The following PDE10A variants were observed in gnomAD, a reference collection of about 807,000 sequenced individuals.
PDE10A encodes the protein cAMP and cAMP-inhibited cGMP 3',5'-cyclic phosphodiesterase 10A.
PDE10A carries 39 observed loss-of-function variants against 97.7 expected under a neutral mutation model. The ratio of observed to expected loss-of-function variants is 0.40; its 90% CI spans 0.31 to 0.52. PDE10A has a LOEUF of 0.52. PDE10A is among the 20% of genes least tolerant of loss of function. The pLI, the probability that PDE10A is intolerant of heterozygous loss-of-function variation, is 0.56. For missense variants in PDE10A, 731 were observed against 1,047.8 expected, an observed-to-expected ratio of 0.70 and a Z score of 4.17; for synonymous variants, 371 against 376.8, an observed-to-expected ratio of 0.98 and a Z score of 0.18.
intron 1 of PDE10A, among the ~76,000 whole-genome samples, chr6:165,555,588 T>C (rs1379138133): frequency 1.3e-5 from 2 of 152,224 alleles, no homozygotes; most frequent in Non-Finnish European, 1.5e-5. Context: ...TTTAGATACA[T>C]TGATAATAAA....
chr6:165,442,390 G>A (rs1484446168), intron 5 of PDE10A, among the ~76,000 whole-genome samples: 1 of 151,976 alleles, frequency 6.6e-6, no homozygotes. Flanking sequence ...GAGAACATGC[G>A]GTGTTTGGTT....
intron 1 of PDE10A, among the ~76,000 whole-genome samples, chr6:165,713,012 G>A (rs574551526): frequency 3.3e-5 from 5 of 152,310 alleles, no homozygotes; most frequent in Non-Finnish European, 7.3e-5. Flanking sequence ...TTTCTAGTGA[G>A]GCAAGGATGG....
At chr6:165,872,904 T>TA (rs1170524644) in intron 1 of PDE10A, among the ~76,000 whole-genome samples, 3 of 152,220 alleles carry the variant, frequency 2.0e-5, no homozygotes, top group African/African-American at 7.2e-5. Flanking sequence ...CTGGACTCTG[T>TA]GGCATTGAAT....
At position 165,413,561 on chromosome 6, in the gene PDE10A, T is replaced by G; in HGVS notation, c.2016A>C (p.Thr672=). 6.2e-7 allele frequency: 1 copy of G among 1,614,216 alleles called. No homozygotes were observed. The change falls in exon 13 of 22, where the codon ACA becomes ACC. Residue 672 remains threonine, a synonymous_variant. Transcript: ENST00000539869. ...CAAACATTTTGAAGTTGTTTTCATC[T>G]GTTTTAGAGAAGGCACTGCCACTGA... ...NKISGSAFSK[T]DENNFKMFAV...
At chr6:165,620,912 T>C (rs1788097672) in intron 1 of PDE10A, among the ~76,000 whole-genome samples, 3 of 150,858 alleles carry the variant, frequency 2.0e-5, no homozygotes. Context: ...TCCCAGCTAC[T>C]AGGGAGGCTG....
intron 1 of PDE10A, among the ~76,000 whole-genome samples, chr6:165,821,125 C>T (rs909792672): frequency 2.0e-5 from 3 of 152,310 alleles, no homozygotes; most frequent in East Asian, 1.9e-4. Context: ...CAGAAGACAG[C>T]GGCTGCCACC....
chr6:165,879,144 G>A (rs1160013), intron 1 of PDE10A, among the ~76,000 whole-genome samples: 3,720 of 152,284 alleles, frequency 0.024, 61 homozygotes, highest in South Asian at 0.098. Flanking sequence ...AGAGGCACCT[G>A]CTAAATTGGG....
chr6:165,485,848 C>G (rs1382946613), intron 2 of PDE10A, among the ~76,000 whole-genome samples: 1 of 152,190 alleles, frequency 6.6e-6, no homozygotes, highest in Non-Finnish European at 1.5e-5. Flanking sequence ...CCCTCCTCAG[C>G]CTCCCAAAGT....
At chr6:165,566,564 G>A (rs1784788684) in intron 1 of PDE10A, among the ~76,000 whole-genome samples, 1 of 152,162 alleles carries the variant, frequency 6.6e-6, no homozygotes, top group Non-Finnish European at 1.5e-5. Flanking sequence ...GAAAACATAG[G>A]ACAGGAAATC....
intron 1 of PDE10A, among the ~76,000 whole-genome samples, chr6:165,800,179 C>G (rs900491338): frequency 2.0e-5 from 3 of 152,150 alleles, no homozygotes; most frequent in African/African-American, 7.2e-5. Context: ...TCATGCAATT[C>G]CCCAAGCAAG....
At chr6:165,789,612 G>A (rs963121343) in intron 1 of PDE10A, among the ~76,000 whole-genome samples, 3 of 152,192 alleles carry the variant, frequency 2.0e-5, no homozygotes, top group Non-Finnish European at 2.9e-5. Context: ...TGCATGGATT[G>A]TTCTCTGGAA....
intron 1 of PDE10A, among the ~76,000 whole-genome samples, chr6:165,909,393 T>C (rs1782392561): frequency 6.6e-6 from 1 of 152,264 alleles, no homozygotes; most frequent in African/African-American, 2.4e-5. Flanking sequence ...TTTATATTGC[T>C]CGCTGTGTTA....
chr6:165,794,966 A>T (rs183272781), intron 1 of PDE10A, among the ~76,000 whole-genome samples: 5 of 152,370 alleles, frequency 3.3e-5, no homozygotes, highest in Non-Finnish European at 5.9e-5. Flanking sequence ...AAAAATATTC[A>T]AATTATATAG....
chr6:165,420,334 C>G (rs890581450), intron 10 of PDE10A, among the ~76,000 whole-genome samples: 4 of 152,028 alleles, frequency 2.6e-5, no homozygotes, highest in African/African-American at 9.7e-5. Flanking sequence ...TACTATCTGG[C>G]CCTTTACAAA....
intron 1 of PDE10A, among the ~76,000 whole-genome samples, chr6:165,933,300 C>T (rs879348598): frequency 1.3e-5 from 2 of 152,144 alleles, no homozygotes; most frequent in Non-Finnish European, 2.9e-5. Flanking sequence ...CTGAGAAAAG[C>T]TTGATGGACC....
chr6:165,668,368 A>G (rs1790548396), intron 1 of PDE10A, among the ~76,000 whole-genome samples: 1 of 152,224 alleles, frequency 6.6e-6, no homozygotes, highest in African/African-American at 2.4e-5. Flanking sequence ...AGTTTATCTC[A>G]CCATGATACT....
chr6:165,737,026 T>C (rs1487910442), intron 1 of PDE10A, among the ~76,000 whole-genome samples: 5 of 152,188 alleles, frequency 3.3e-5, no homozygotes, highest in Non-Finnish European at 7.3e-5. Context: ...AAATTATATG[T>C]CAATAAATGG....
Position 165,343,371 on chromosome 6 carries a change from T to C in PDE10A, c.2895+20A>G, listed in dbSNP as rs1467056540. On this transcript the variant is annotated intron_variant, in intron 19 of 21. Coordinates refer to ENST00000539869, the MANE Select transcript of PDE10A (RefSeq NM_001385079.1). ...TATTTCTCCTCACTATCTATGTCAATATAAGAATCAAGGACATACCTCAGC... is the reference window on the plus strand; with the variant it reads ...TATTTCTCCTCACTATCTATGTCAACATAAGAATCAAGGACATACCTCAGC... The C allele has an allele frequency of 2.1e-6, 3 of 1,458,584 alleles. No individual in the cohort carries two copies. The East Asian group carries it at 6.8e-5, about 33-fold the overall frequency. 90.4% of individuals were successfully genotyped at this position (1,458,584 alleles called of 1,614,324 possible). A position where few individuals can be genotyped will look rare whatever the true frequency, so the allele number is the denominator to read the frequency against.
intron 2 of PDE10A, among the ~76,000 whole-genome samples, chr6:165,533,511 G>A (rs1203248981): frequency 6.6e-6 from 1 of 152,100 alleles, no homozygotes; most frequent in East Asian, 1.9e-4. Context: ...AGTCTTATGG[G>A]ACCACCTTCC....
Sources: allele counts gnomAD v4.1 joint callset (sites outside exome capture counted in the v4.1 genomes callset), GRCh38; gene constraint gnomAD v4.1.1; transcripts MANE v1.5; gene names NCBI Gene and HGNC (gene_info 2026-07-23, HGNC 2026-07-21).